The following WDR81 variants were observed in gnomAD, a reference collection of about 807,000 sequenced individuals.
WDR81 encodes WD repeat domain 81.
Under a neutral mutation model 140.8 loss-of-function variants are expected in WDR81, and 92 were observed. The ratio of observed to expected loss-of-function variants is 0.65; its 90% CI spans 0.55 to 0.78. The LOEUF is 0.78. WDR81 is among the 30% of genes least tolerant of loss of function. The probability of loss-of-function intolerance (pLI) is 0.00; values close to 1 mark genes in which losing one functional copy is unlikely to be tolerated. For synonymous variants in WDR81, 1,183 were observed against 1,156.4 expected (o/e 1.02, Z -0.47); for missense variants, 2,502 against 2,636.4 (o/e 0.95, Z 1.12).
upstream of WDR81, among the ~76,000 whole-genome samples, chr17:1,723,457 T>TTTATTTA (rs1914997161): frequency 7.7e-6 from 1 of 130,538 alleles, no homozygotes; most frequent in Non-Finnish European, 1.6e-5. Flanking sequence ...ATTTATTTAT[T>TTTATTTA]TTTATTTATT....
Position 1,737,400 on chromosome 17 carries a change from T to G in WDR81, c.5541T>G (p.Ser1847=). The part of the protein sequence containing the change: ...VEGSVLVSSS[S]DHSLTVWKEL... ...GCAGCGTCCTGGTCAGCTCCTCCTC[T>G]GACCATTCCTTGACCGTCTGGAAGG... The change falls in exon 10 of 10, where the codon TCT becomes TCG. Residue 1847 remains serine (S), a synonymous_variant. Coordinates refer to ENST00000409644, the MANE Select transcript of WDR81 (RefSeq NM_001163809.2). 1 of 1,612,668 alleles carries G rather than the reference T, an allele frequency of 6.2e-7. No homozygotes were observed. Among genetic ancestry groups the G allele is most frequent in the South Asian group, 1.1e-5 (1 of 91,062 alleles).
At position 1,726,669 on chromosome 17, in the gene WDR81, C is replaced by T. The variant is rs1278972587; in HGVS notation, c.1710C>T (p.Asp570=). Residue 570 remains aspartate (D), a synonymous_variant, in exon 1 of 10, where the codon GAC becomes GAT. Transcript: ENST00000409644. The stretch of plus-strand genomic sequence containing the variant: ...AGAATGTGTGTCTGCACCTGGTGGA[C>T]GCCCACACTCACCTGGCCAGCTACG... ...KEKNVCLHLV[D]AHTHLASYGV... is the part of the protein sequence containing the mutation. 15 of 1,550,078 alleles carry T rather than the reference C, an allele frequency of 9.7e-6. No homozygotes were observed. The highest frequency in any genetic ancestry group is 7.3e-5 in the East Asian group (3 of 40,922).
intron 1 of WDR81, 30 bp downstream of exon 1, chr17:1,728,656 C>T: frequency 2.1e-6 from 3 of 1,445,316 alleles, no homozygotes; most frequent in Non-Finnish European, 2.7e-6. Context: ...AGGTGTTGGT[C>T]AAAAACACCT....
Position 1,732,651 on chromosome 17 carries a change from G to A in WDR81, c.4324-15G>A, listed in dbSNP as rs1331940279. The A allele has an allele frequency of 6.3e-7, 1 of 1,592,338 alleles. No homozygotes were observed. Among genetic ancestry groups the A allele is most frequent in the Non-Finnish European group, 8.6e-7 (1 of 1,167,900 alleles). Reference sequence around the variant, plus strand: ...GCTGTGGACCCGGCTGACCCCCTGGGTGTCTTGCTCATAGGATCTGAAGCT... The same window carrying A: ...GCTGTGGACCCGGCTGACCCCCTGGATGTCTTGCTCATAGGATCTGAAGCT... On this transcript the variant is annotated splice_polypyrimidine_tract_variant and intron_variant, in intron 5 of 9. Transcript: ENST00000409644.
At position 1,726,131 on chromosome 17, in the gene WDR81, C is replaced by A; in HGVS notation, c.1172C>A (p.Thr391Lys). 6.5e-7 allele frequency: 1 copy of A among 1,538,972 alleles called. No individual in the cohort carries two copies. Among genetic ancestry groups the A allele is most frequent in the Non-Finnish European group, 8.8e-7 (1 of 1,139,342 alleles). The stretch of plus-strand genomic sequence containing the variant: ...CTGCCCTGGGTGGTGGACTTCACTA[C>A]GCCCCATGGGCGCTTCCGAGACCTG... Reference protein sequence around the residue: ...PVLPWVVDFTTPHGRFRDLRK... With the variant: ...PVLPWVVDFTKPHGRFRDLRK... The change falls in exon 1 of 10, where the codon ACG becomes AAG. Residue 391 changes from threonine to lysine, a missense_variant. By Grantham distance (78) the Thr-to-Lys change is moderately conservative. Around this residue, in one of 3 missense-constraint regions of WDR81, gnomAD observed 218 missense variants for 279.6 expected, o/e 0.78. Transcript: ENST00000409644.
chr17:1,737,317 A>G, intron 9 of WDR81, 48 bp from the exon 10 acceptor site: 1 of 1,536,780 alleles, frequency 6.5e-7, no homozygotes, highest in Non-Finnish European at 8.8e-7. Context: ...GCCCAAGGGT[A>G]TGCAGAAGGA....
At position 1,728,013 on chromosome 17, in the gene WDR81, C is replaced by T; in HGVS notation, c.3054C>T (p.Ser1018=). 6.4e-7 allele frequency: 1 copy of T among 1,552,632 alleles called. No individual in the cohort carries two copies. Among genetic ancestry groups the T allele is most frequent in the Non-Finnish European group, 8.7e-7 (1 of 1,148,336 alleles). ...VLQVLAGAEA[S]QEESKDLAGA... ...AGGTGCTGGCGGGCGCAGAGGCCTC[C>T]CAGGAGGAGAGCAAGGACCTGGCAG... Residue 1018 remains serine, a synonymous_variant, in exon 1 of 10, where the codon TCC becomes TCT. Coordinates refer to ENST00000409644, the MANE Select transcript of WDR81 (RefSeq NM_001163809.2).
upstream of WDR81, chr17:1,724,436 C>T (rs575032180): frequency 3.1e-6 from 3 of 975,980 alleles, no homozygotes; most frequent in South Asian, 9.5e-5. Context: ...AGGCTGGCAT[C>T]TCTGGGAACA....
At position 1,737,940 on chromosome 17, in the gene WDR81, A is replaced by G; in HGVS notation, c.*255A>G. ...AGGGCTCCTAGCAAGCAGGAAGTTA[A>G]GAGCAGGAGGAAGCGTTGCTACCTT... On this transcript the variant is annotated 3_prime_UTR_variant, in exon 10 of 10. Transcript: ENST00000409644. 1 of 580,940 alleles carries G rather than the reference A, an allele frequency of 1.7e-6. No individual in the cohort carries two copies. The highest frequency in any genetic ancestry group is 3.0e-6 in the Non-Finnish European group (1 of 329,170). 36.0% of individuals were successfully genotyped at this position (580,940 alleles called of 1,614,324 possible). A position where few individuals can be genotyped will look rare whatever the true frequency, so the allele number is the denominator to read the frequency against.
In WDR81 at chr17:1,733,759, T is replaced by G. The variant is rs1221999557; in HGVS notation, c.4722T>G (p.Ser1574=). The change falls in exon 7 of 10, where the codon TCT becomes TCG. Residue 1574 remains serine (S), a synonymous_variant. Transcript: ENST00000409644. The part of the protein sequence containing the change: ...VGNRIQIPND[S]RPENPGPLGP... The stretch of plus-strand genomic sequence containing the variant: ...ACCGCATTCAGATCCCCAATGACTC[T>G]CGGCCTGAGAACCCCGGACCACTGG... 6.2e-7 allele frequency: 1 copy of G among 1,612,354 alleles called. No homozygotes were observed. The highest frequency in any genetic ancestry group is 8.5e-7 in the Non-Finnish European group (1 of 1,179,766).
At position 1,724,763 on chromosome 17, in the gene WDR81, C is replaced by G. The variant is rs1309249565; in HGVS notation, c.-197C>G. On this transcript the variant is annotated 5_prime_UTR_variant, in exon 1 of 10. Coordinates refer to ENST00000409644, the MANE Select transcript of WDR81 (RefSeq NM_001163809.2). ...CCCGGCAGCCTCTGCCCCGCCGCGCCCGGAGCGCAGGACCCGCGGAGGGGT... is the reference window on the plus strand; with the variant it reads ...CCCGGCAGCCTCTGCCCCGCCGCGCGCGGAGCGCAGGACCCGCGGAGGGGT... The G allele has an allele frequency of 8.7e-7, 1 of 1,145,332 alleles. No homozygotes were observed. The highest frequency in any genetic ancestry group is 4.4e-5 in the East Asian group (1 of 22,680). 70.9% of individuals were successfully genotyped at this position (1,145,332 alleles called of 1,614,324 possible).
At position 1,733,936 on chromosome 17, in the gene WDR81, C is replaced by T. The variant is rs992888165; in HGVS notation, c.4899C>T (p.His1633=). ...TCGGCGTGAGCCAGCAGGATGCCCA[C>T]TTTCACTTCCACCAGATCCGCCTGC... ...YEIGVSQQDA[H]FHFHQIRLQS... Residue 1633 remains histidine (H), a synonymous_variant, in exon 7 of 10, where the codon CAC becomes CAT. Coordinates refer to ENST00000409644, the MANE Select transcript of WDR81 (RefSeq NM_001163809.2). 3.1e-6 allele frequency: 5 copies of T among 1,612,840 alleles called. No individual in the cohort carries two copies. Among genetic ancestry groups the T allele is most frequent in the Admixed American group, 1.7e-5 (1 of 60,016 alleles).
chr17:1,725,223 G>T lies in WDR81; in HGVS notation c.264G>T (p.Arg88Ser). The change falls in exon 1 of 10, where the codon AGG becomes AGT. Residue 88 changes from arginine (R) to serine (S), a missense_variant. Around this residue, in one of 3 missense-constraint regions of WDR81, gnomAD observed 547 missense variants for 513.8 expected, o/e 1.06. Transcript: ENST00000409644. ...AGGGCCTGGGAGAAGCGGAAGTCAG[G>T]ACTCTCCTGCAGCGCTCTGTGCAAA... ...RAEGLGEAEV[R>S]TLLQRSVQRL... The T allele has an allele frequency of 6.5e-7, 1 of 1,539,948 alleles. No individual in the cohort carries two copies. The highest frequency in any genetic ancestry group is 8.7e-7 in the Non-Finnish European group (1 of 1,146,862).
chr17:1,722,988 C>T (rs563241178), upstream of WDR81, among the ~76,000 whole-genome samples: 11 of 152,282 alleles, frequency 7.2e-5, no homozygotes, highest in Non-Finnish European at 1.0e-4. Flanking sequence ...CCACCGTGAC[C>T]GGCCAAGGCC....
At chr17:1,716,620 A>G (rs1292391386) in exon 1 of WDR81, 2 of 1,551,542 alleles carry the variant, frequency 1.3e-6, no homozygotes, top group African/African-American at 2.7e-5. Context: ...CGTTCCCAGA[A>G]CCCAGCGCGC....
Position 1,733,600 on chromosome 17 carries a change from C to G in WDR81, c.4563C>G (p.Ile1521Met), listed in dbSNP as rs766973835. The change falls in exon 7 of 10, where the codon ATC (isoleucine) becomes ATG (methionine). Residue 1521 changes from isoleucine to methionine, a missense_variant. Physicochemically the swap from Ile to Met is conservative, Grantham distance 10 (BLOSUM62 1). Coordinates refer to ENST00000409644, the MANE Select transcript of WDR81 (RefSeq NM_001163809.2). ...TGGCGGCGCTGTACTTGGAGAGCAT[C>G]AGCCCCAGCAGTCGCAACCCTGCCA... Reference protein sequence around the residue: ...GELAALYLESISPSSRNPASV... With the variant: ...GELAALYLESMSPSSRNPASV... 2.9e-5 allele frequency: 46 copies of G among 1,567,918 alleles called. No homozygotes were observed. In the East Asian group the frequency reaches 1.0e-3, roughly 35 times the overall value.
chr17:1,719,281 C>G (rs1215852316), intron 1 of WDR81, among the ~76,000 whole-genome samples: 3 of 152,236 alleles, frequency 2.0e-5, no homozygotes, highest in Non-Finnish European at 4.4e-5. Context: ...GGCGCGGTGG[C>G]TCATGCCTGT....
Position 1,732,846 on chromosome 17 carries a change from CGT to C in WDR81, c.4489+16_4489+17del. On this transcript the variant is annotated intron_variant, in intron 6 of 9. Coordinates refer to ENST00000409644, the MANE Select transcript of WDR81 (RefSeq NM_001163809.2). ...CTGCCTGTTGGGTACTGCCCCATCACGTTCCCCATCACAGTCTTCGTGGCTGT... is the reference window on the plus strand; with the variant it reads ...CTGCCTGTTGGGTACTGCCCCATCACTCCCCATCACAGTCTTCGTGGCTGT... The C allele has an allele frequency of 6.3e-7, 1 of 1,582,896 alleles. No homozygotes were observed. The highest frequency in any genetic ancestry group is 8.6e-7 in the Non-Finnish European group (1 of 1,161,292).
At chr17:1,731,397 C>T (rs1372036751) in intron 4 of WDR81, 139 bp downstream of exon 4, 28 of 1,041,976 alleles carry the variant, frequency 2.7e-5, no homozygotes, top group Admixed American at 2.8e-5. Context: ...CTGTGTGACC[C>T]TGAGCAAACC....
Sources: allele counts gnomAD v4.1 joint callset (sites outside exome capture counted in the v4.1 genomes callset), GRCh38; gene constraint gnomAD v4.1.1; regional missense constraint gnomAD v4.1.1; transcripts MANE v1.5; gene names NCBI Gene and HGNC (gene_info 2026-07-23, HGNC 2026-07-21).